The following ANO3 variants were observed in gnomAD, a reference collection of about 807,000 sequenced individuals.
ANO3 encodes anoctamin 3, also known as anoctamin-3.
ANO3 carries 99 observed loss-of-function variants against 144.8 expected under a neutral mutation model. That is an observed-to-expected ratio of 0.68 (90% CI 0.58 to 0.81). The LOEUF is 0.81. Among genes scored for constraint, ANO3 ranks in the 30% least tolerant of loss-of-function variants. ANO3 has a pLI of 0.00. For synonymous variants in ANO3, 414 were observed against 392.6 expected (o/e 1.05, Z -0.64); for missense variants, 905 against 1,202.2 (o/e 0.75, Z 3.66).
intron 1 of ANO3, among the ~76,000 whole-genome samples, chr11:26,392,978 A>G (rs1444825319): frequency 6.6e-6 from 1 of 152,148 alleles, no homozygotes; most frequent in Non-Finnish European, 1.5e-5. Flanking sequence ...CTATAACTAC[A>G]TAACTAAATC....
chr11:26,592,537 C>G (rs1851483835), intron 14 of ANO3, among the ~76,000 whole-genome samples: 1 of 150,538 alleles, frequency 6.6e-6, no homozygotes, highest in South Asian at 2.1e-4. Flanking sequence ...AAGTATCTAC[C>G]CAGACTAGTA....
intron 6 of ANO3, among the ~76,000 whole-genome samples, chr11:26,521,822 C>T (rs1467571899): frequency 6.6e-6 from 1 of 152,186 alleles, no homozygotes; most frequent in Non-Finnish European, 1.5e-5. Flanking sequence ...GGGCCAACCT[C>T]ACATTTTTTG....
intron 1 of ANO3, among the ~76,000 whole-genome samples, chr11:26,284,420 G>A (rs1182527951): frequency 2.6e-5 from 4 of 152,142 alleles, no homozygotes; most frequent in Non-Finnish European, 5.9e-5. Context: ...TCGATGTGGA[G>A]ATCAACTGGA....
chr11:26,299,408 G>T (rs977628683), intron 1 of ANO3, among the ~76,000 whole-genome samples: 3 of 152,102 alleles, frequency 2.0e-5, no homozygotes, highest in Non-Finnish European at 2.9e-5. Context: ...ATACTGTAGA[G>T]GATTTTTGAA....
chr11:26,447,217 A>AG (rs1176193524), intron 3 of ANO3, among the ~76,000 whole-genome samples: 2 of 20,966 alleles, frequency 9.5e-5, no homozygotes, highest in Non-Finnish European at 2.9e-4. Context: ...AAAAAAAAAA[A>AG]AAAAAAAAAA....
intron 17 of ANO3, among the ~76,000 whole-genome samples, chr11:26,605,048 G>A (rs1851898934): frequency 2.6e-5 from 4 of 151,986 alleles, no homozygotes. Flanking sequence ...ATTGGCTGTG[G>A]GTTTTTCATA....
chr11:26,339,416 A>G (rs1054711425), intron 1 of ANO3, among the ~76,000 whole-genome samples: 13 of 152,296 alleles, frequency 8.5e-5, no homozygotes, highest in Admixed American at 8.5e-4. Context: ...GGCTTCCCAA[A>G]GTGCTGGGAA....
chr11:26,519,522 C>G (rs893460362), intron 6 of ANO3, among the ~76,000 whole-genome samples: 1 of 152,176 alleles, frequency 6.6e-6, no homozygotes, highest in Admixed American at 6.5e-5. Flanking sequence ...AAGCAACAAA[C>G]ATTTACTTGT....
chr11:26,547,647 T>C, intron 12 of ANO3, 97 bp downstream of exon 12: 1 of 1,145,760 alleles, frequency 8.7e-7, no homozygotes, highest in Non-Finnish European at 1.3e-6. Context: ...AAATGGTTGA[T>C]GATACTACAA....
intron 3 of ANO3, among the ~76,000 whole-genome samples, chr11:26,449,487 TCA>T (rs765372417): frequency 0.039 from 1,096 of 28,104 alleles, 15 homozygotes; most frequent in African/African-American, 0.077. Context: ...TCTCTCTCTC[TCA>T]CACACACACA....
At chr11:26,316,543 A>T (rs60041231) in intron 1 of ANO3, among the ~76,000 whole-genome samples, 2,362 of 152,310 alleles carry the variant, frequency 0.016, 58 homozygotes, top group African/African-American at 0.055. Flanking sequence ...TTGCAGCAAA[A>T]GCTGGTTGCA....
At chr11:26,513,157 G>C (rs1420838850) in intron 5 of ANO3, among the ~76,000 whole-genome samples, 1 of 152,190 alleles carries the variant, frequency 6.6e-6, no homozygotes, top group East Asian at 1.9e-4. Context: ...GTGACACAAA[G>C]GGTAGTAGCA....
In ANO3 at chr11:26,460,727, C is replaced by T. The variant is rs185930228; in HGVS notation, c.314-2303C>T. On this transcript the variant is annotated intron_variant, in intron 3 of 26. Coordinates refer to ENST00000256737, the MANE Select transcript of ANO3 (RefSeq NM_031418.4). ...AAAAAAGTAAACAGAAAAATCTCTG[C>T]CTAGAAAACTAAATTGTGAGTGGAA... Among the ~76,000 whole-genome samples the T allele has an allele frequency of 3.8e-4, 58 of 151,684 alleles. No individual in the cohort carries two copies. In the East Asian group the frequency reaches 8.6e-3, roughly 22 times the overall value.
At chr11:26,408,367 T>G (rs544789458) in intron 1 of ANO3, among the ~76,000 whole-genome samples, 45 of 151,834 alleles carry the variant, frequency 3.0e-4, no homozygotes, top group African/African-American at 1.0e-3. Context: ...AAAAAACACA[T>G]GAAAAAATGC....
chr11:26,361,635 C>T (rs1291227341), intron 1 of ANO3, among the ~76,000 whole-genome samples: 2 of 152,094 alleles, frequency 1.3e-5, no homozygotes, highest in Non-Finnish European at 2.9e-5. Flanking sequence ...GCTTATTGCC[C>T]TTATGATTTA....
intron 16 of ANO3, 112 bp downstream of exon 16, chr11:26,599,110 C>A: frequency 2.6e-6 from 3 of 1,153,324 alleles, no homozygotes; most frequent in African/African-American, 1.6e-5. Context: ...TTATTCTTTC[C>A]AACAACTTGG....
intron 4 of ANO3, among the ~76,000 whole-genome samples, chr11:26,502,965 A>G (rs951882356): frequency 6.6e-6 from 1 of 152,060 alleles, no homozygotes; most frequent in Admixed American, 6.5e-5. Flanking sequence ...CTCTACCACT[A>G]TTTTGCAAAT....
intron 1 of ANO3, among the ~76,000 whole-genome samples, chr11:26,207,171 A>C (rs1851812817): frequency 6.6e-6 from 1 of 152,192 alleles, no homozygotes; most frequent in South Asian, 2.1e-4. Context: ...ATACGTAAAA[A>C]TTTGCTAATA....
intron 6 of ANO3, among the ~76,000 whole-genome samples, chr11:26,523,223 C>T (rs189446454): frequency 6.6e-6 from 1 of 152,198 alleles, no homozygotes; most frequent in Admixed American, 6.5e-5. Context: ...CCAATCACCT[C>T]CCTCCTCAAC....
Sources: allele counts gnomAD v4.1 joint callset (sites outside exome capture counted in the v4.1 genomes callset), GRCh38; gene constraint gnomAD v4.1.1; transcripts MANE v1.5; gene names NCBI Gene and HGNC (gene_info 2026-07-23, HGNC 2026-07-21).